The following MYO3A variants were observed in gnomAD, a reference collection of about 807,000 sequenced individuals.
The protein encoded by MYO3A is myosin IIIA.
Under a neutral mutation model 192.7 loss-of-function variants are expected in MYO3A, and 180 were observed. That is an observed-to-expected ratio of 0.93 (90% confidence interval 0.83 to 1.06). MYO3A has a LOEUF of 1.06. MYO3A is among the 50% of genes least tolerant of loss of function. The probability of loss-of-function intolerance (pLI) is 0.00; values close to 1 mark genes in which losing one functional copy is unlikely to be tolerated. For synonymous variants in MYO3A, 628 were observed against 645.3 expected, an observed-to-expected ratio of 0.97 and a Z score of 0.41; for missense variants, 1,896 against 1,905.0, an observed-to-expected ratio of 1.00 and a Z score of 0.09.
Position 26,062,530 on chromosome 10 carries a change from A to AACAAACAAAAAAAACAAAAAAAAACG in MYO3A, c.954-4444_954-4443insCAAACAAAAAAAACAAAAAAAAACGA, listed in dbSNP as rs1554816582. Reference sequence around the variant, plus strand: ...GATGCCATCTCAAAAAAAAAAAAAAAAAATTATGGAGGAATCTAATTAAGA... The same window carrying AACAAACAAAAAAAACAAAAAAAAACG: ...GATGCCATCTCAAAAAAAAAAAAAAAACAAACAAAAAAAACAAAAAAAAACGAAATTATGGAGGAATCTAATTAAGA... On this transcript the variant is annotated intron_variant, in intron 10 of 34. Transcript: ENST00000642920. Among the ~76,000 whole-genome samples the AACAAACAAAAAAAACAAAAAAAAACG allele has an allele frequency of 1.6e-5, 2 of 125,946 alleles. 1 individual carries two copies. Among genetic ancestry groups the AACAAACAAAAAAAACAAAAAAAAACG allele is most frequent in the African/African-American group, 5.7e-5 (2 of 34,908 alleles). 82.6% of individuals were successfully genotyped at this position (125,946 alleles called of 152,430 possible).
At chr10:26,194,015 A>C (rs1843280802) in intron 32 of MYO3A, among the ~76,000 whole-genome samples, 1 of 152,134 alleles carries the variant, frequency 6.6e-6, no homozygotes, top group Non-Finnish European at 1.5e-5. Flanking sequence ...CCTGGGAGTC[A>C]TTCTGGTTTT....
chr10:26,023,971 T>C, intron 8 of MYO3A, 51 bp from the exon 9 acceptor site: 5 of 1,529,548 alleles, frequency 3.3e-6, no homozygotes, highest in Non-Finnish European at 4.5e-6. Context: ...CCTCTCATTT[T>C]ACACTGACTG....
chr10:26,144,371 A>G (rs1446140241), intron 21 of MYO3A, among the ~76,000 whole-genome samples: 1 of 151,972 alleles, frequency 6.6e-6, no homozygotes, highest in African/African-American at 2.4e-5. Flanking sequence ...TGACATGTAG[A>G]GCCTCTTTCT....
chr10:25,988,568 C>G (rs1008677982), intron 4 of MYO3A, among the ~76,000 whole-genome samples: 1 of 152,064 alleles, frequency 6.6e-6, no homozygotes, highest in South Asian at 2.1e-4. Context: ...TAGGATTCAG[C>G]AGTTTCCTCT....
In MYO3A at chr10:26,193,200, T is replaced by TA. The variant is rs764419216; in HGVS notation, c.4439-4dup. On this transcript the variant is annotated splice_region_variant and splice_polypyrimidine_tract_variant and intron_variant, in intron 31 of 34. Coordinates refer to ENST00000642920, the MANE Select transcript of MYO3A (RefSeq NM_017433.5). ...AATACTTGTTTATGATCACCTTTCT[T>TA]ATAGGTGTCTGTAAAGGAGAGGAGC... 5 of 1,597,718 alleles carry TA rather than the reference T, an allele frequency of 3.1e-6. No individual in the cohort carries two copies. The South Asian group carries it at 5.5e-5, about 18-fold the overall frequency.
At chr10:25,957,595 G>T (rs927230372) in intron 4 of MYO3A, among the ~76,000 whole-genome samples, 2 of 152,090 alleles carry the variant, frequency 1.3e-5, no homozygotes, top group Non-Finnish European at 2.9e-5. Flanking sequence ...ATTCCTTTGG[G>T]TATATACCCA....
intron 32 of MYO3A, among the ~76,000 whole-genome samples, chr10:26,198,758 T>C (rs1843537981): frequency 6.6e-6 from 1 of 152,172 alleles, no homozygotes; most frequent in Non-Finnish European, 1.5e-5. Context: ...ACACTATTCT[T>C]TAAAGGCCTC....
chr10:25,995,622 A>C (rs1380752224), intron 4 of MYO3A, among the ~76,000 whole-genome samples: 1 of 152,066 alleles, frequency 6.6e-6, no homozygotes, highest in Non-Finnish European at 1.5e-5. Context: ...GTTTTTCCCC[A>C]TCTTTGTGGT....
At chr10:26,145,612 C>A (rs1426937391) in intron 22 of MYO3A, 78 bp downstream of exon 22, 7 of 1,134,530 alleles carry the variant, frequency 6.2e-6, no homozygotes, top group Non-Finnish European at 8.0e-6. Context: ...AAAATTATGG[C>A]CCAAAATGTT....
At position 26,174,237 on chromosome 10, in the gene MYO3A, C is replaced by A; in HGVS notation, c.3973C>A (p.Arg1325Ser). 1 of 1,613,986 alleles carries A rather than the reference C, an allele frequency of 6.2e-7. No homozygotes were observed. The highest frequency in any genetic ancestry group is 8.5e-7 in the Non-Finnish European group (1 of 1,179,926). Residue 1325 changes from arginine (R) to serine (S), a missense_variant, in exon 30 of 35, where the codon CGT (arginine) becomes AGT (serine). Transcript: ENST00000642920. ...PICSQEEGRGRLRHETVKERQ... is the reference protein window; with the variant it reads ...PICSQEEGRGSLRHETVKERQ... Reference sequence around the variant, plus strand: ...ATGCAGCCAGGAGGAAGGCAGAGGCCGTCTGAGGCATGAGACAGTCAAAGA... The same window carrying A: ...ATGCAGCCAGGAGGAAGGCAGAGGCAGTCTGAGGCATGAGACAGTCAAAGA...
intron 6 of MYO3A, among the ~76,000 whole-genome samples, chr10:25,998,222 G>A (rs576141336): frequency 6.6e-6 from 1 of 152,326 alleles, no homozygotes; most frequent in South Asian, 2.1e-4. Flanking sequence ...CTGAGTGTTA[G>A]TTGAATGAAT....
In MYO3A at chr10:26,125,545, G is replaced by A; in HGVS notation, c.2051G>A (p.Gly684Glu). The A allele has an allele frequency of 6.2e-7, 1 of 1,614,028 alleles. No individual in the cohort carries two copies. The highest frequency in any genetic ancestry group is 8.5e-7 in the Non-Finnish European group (1 of 1,179,930). ...VRDAMAKTLYGRLFSWIVNCI... is the reference protein window; with the variant it reads ...VRDAMAKTLYERLFSWIVNCI... ...GATGCCATGGCTAAAACTTTATATGGACGTCTCTTTAGTTGGATAGTCAAT... is the reference window on the plus strand; with the variant it reads ...GATGCCATGGCTAAAACTTTATATGAACGTCTCTTTAGTTGGATAGTCAAT... Residue 684 changes from glycine to glutamate, a missense_variant, in exon 19 of 35, where the codon GGA becomes GAA. Coordinates refer to ENST00000642920, the MANE Select transcript of MYO3A (RefSeq NM_017433.5).
chr10:25,993,315 C>T (rs1840179075), intron 4 of MYO3A, among the ~76,000 whole-genome samples: 1 of 152,164 alleles, frequency 6.6e-6, no homozygotes, highest in Non-Finnish European at 1.5e-5. Context: ...TTATAGTATT[C>T]TCTGATGGTA....
chr10:26,101,637 C>G (rs372976762), intron 17 of MYO3A, among the ~76,000 whole-genome samples: 2 of 151,910 alleles, frequency 1.3e-5, no homozygotes, highest in African/African-American at 2.4e-5. Flanking sequence ...AAAGGATTTT[C>G]TTTCTCCTTC....
chr10:26,005,186 C>T (rs1308629208), intron 6 of MYO3A, among the ~76,000 whole-genome samples: 2 of 152,136 alleles, frequency 1.3e-5, no homozygotes, highest in Admixed American at 6.6e-5. Flanking sequence ...CACACAGCAC[C>T]TGAGAGGATG....
At chr10:26,158,233 G>T (rs939953808) in intron 26 of MYO3A, among the ~76,000 whole-genome samples, 1 of 151,700 alleles carries the variant, frequency 6.6e-6, no homozygotes, top group Non-Finnish European at 1.5e-5. Context: ...GAATCAATTG[G>T]TATAAGGAAT....
intron 10 of MYO3A, among the ~76,000 whole-genome samples, chr10:26,057,638 G>T (rs1834190380): frequency 6.6e-6 from 1 of 152,158 alleles, no homozygotes; most frequent in Non-Finnish European, 1.5e-5. Context: ...AGACTTCAAG[G>T]TCCAGTGGAG....
At chr10:26,137,717 A>C (rs1839932354) in intron 20 of MYO3A, among the ~76,000 whole-genome samples, 1 of 152,218 alleles carries the variant, frequency 6.6e-6, no homozygotes, top group South Asian at 2.1e-4. Flanking sequence ...AGCAAGGATT[A>C]ATACTCTGGG....
At chr10:25,966,162 G>T (rs1344517969) in intron 4 of MYO3A, among the ~76,000 whole-genome samples, 1 of 152,040 alleles carries the variant, frequency 6.6e-6, no homozygotes, top group East Asian at 1.9e-4. Context: ...CCGCTCCCTG[G>T]TTTCTAAACC....
Sources: allele counts gnomAD v4.1 joint callset (sites outside exome capture counted in the v4.1 genomes callset), GRCh38; gene constraint gnomAD v4.1.1; transcripts MANE v1.5; gene names NCBI Gene and HGNC (gene_info 2026-07-23, HGNC 2026-07-21).